TACC2: variants seen among roughly 807,000 people sequenced by gnomAD.
The protein encoded by TACC2 is transforming acidic coiled-coil-containing protein 2.
In TACC2, 137 loss-of-function variants were observed where a neutral mutation model predicts 227.3. The ratio of observed to expected loss-of-function variants is 0.60; its 90% CI spans 0.52 to 0.69. The LOEUF (loss-of-function observed/expected upper bound fraction) is 0.69. TACC2 is among the 30% of genes least tolerant of loss of function. The pLI is 0.00. For synonymous variants in TACC2, 1,523 were observed against 1,487.5 expected (o/e 1.02, Z -0.55); for missense variants, 3,470 against 3,694.4 (o/e 0.94, Z 1.57).
chr10:122,086,453 C>A lies in TACC2; in HGVS notation c.3953C>A (p.Thr1318Asn), dbSNP rs990151098. 6.2e-6 allele frequency: 10 copies of A among 1,613,908 alleles called. No homozygotes were observed. Among genetic ancestry groups the A allele is most frequent in the Non-Finnish European group, 8.5e-6 (10 of 1,180,040 alleles). The change falls in exon 4 of 23, where the codon ACC becomes AAC. Residue 1318 changes from threonine to asparagine, a missense_variant. Coordinates refer to ENST00000369005, the MANE Select transcript of TACC2 (RefSeq NM_206862.4). ...QASSGSPKARTTEGPVDSMPC... is the reference protein window; with the variant it reads ...QASSGSPKARNTEGPVDSMPC... ...AGCAGTGGTAGTCCCAAAGCCAGAA[C>A]CACTGAGGGACCAGTGGACTCCATG...
At chr10:122,112,450 T>G (rs2083772120) in intron 5 of TACC2, among the ~76,000 whole-genome samples, 1 of 152,108 alleles carries the variant, frequency 6.6e-6, no homozygotes, top group African/African-American at 2.4e-5. Context: ...CACGTCAAGT[T>G]TTGCAAACTG....
intron 7 of TACC2, among the ~76,000 whole-genome samples, chr10:122,171,727 C>T (rs2093481051): frequency 6.6e-6 from 1 of 152,194 alleles, no homozygotes; most frequent in Admixed American, 6.5e-5. Context: ...ATTTGGTAAA[C>T]TCAAATCAGA....
At chr10:122,036,765 A>G (rs1960552035) in intron 2 of TACC2, among the ~76,000 whole-genome samples, 1 of 152,156 alleles carries the variant, frequency 6.6e-6, no homozygotes, top group Non-Finnish European at 1.5e-5. Flanking sequence ...TAAGTATCTG[A>G]GCCTCTGCTT....
chr10:122,230,490 C>T (rs372369143), intron 16 of TACC2, 50 bp downstream of exon 16: 14 of 1,536,840 alleles, frequency 9.1e-6, no homozygotes, highest in East Asian at 2.2e-5. Flanking sequence ...TCATGTGTGC[C>T]GCTGGGGTCC....
chr10:122,155,939 A>G (rs576715502), intron 7 of TACC2, among the ~76,000 whole-genome samples: 132 of 145,444 alleles, frequency 9.1e-4, no homozygotes, highest in Admixed American at 1.8e-3. Context: ...CCGGGCTCAC[A>G]CCATTCTCCT....
rs550069454 is a variant in TACC2, at chr10:122,056,679, G to C, written c.146+6129G>C. 1.4e-4 allele frequency among the ~76,000 whole-genome samples: 21 copies of C among 152,286 alleles called. No homozygotes were observed. In the South Asian group the frequency reaches 3.5e-3, roughly 26 times the overall value. The stretch of plus-strand genomic sequence containing the variant: ...GGAGGGAGCTTGAGTGAAAGGGGCA[G>C]ACTCTAGAGGCCATTCCAGGCAGGG... On this transcript the variant is annotated intron_variant, in intron 3 of 22. Transcript: ENST00000369005.
chr10:122,164,623 TGGCCTTTATCCTGGCCG>T (rs745478088), intron 7 of TACC2, among the ~76,000 whole-genome samples: 2 of 152,234 alleles, frequency 1.3e-5, no homozygotes, highest in Non-Finnish European at 2.9e-5. Flanking sequence ...TGCTCAGAAG[TGGCCTTTATCCTGGCCG>T]AGTGTTTATT....
intron 7 of TACC2, chr10:122,164,087 C>A: frequency 6.9e-7 from 1 of 1,445,784 alleles, no homozygotes; most frequent in Non-Finnish European, 9.5e-7. Context: ...CCTGTGCAAC[C>A]TGGAGCCCAG....
chr10:122,078,200 A>G (rs2079045607), intron 3 of TACC2, among the ~76,000 whole-genome samples: 5 of 117,412 alleles, frequency 4.3e-5, no homozygotes, highest in African/African-American at 1.4e-4. Flanking sequence ...ATCTCCAAAA[A>G]AAAAAAAAAA....
chr10:122,035,619 A>G lies in TACC2; in HGVS notation c.33+13605A>G, dbSNP rs141011044. On this transcript the variant is annotated intron_variant, in intron 2 of 22. Transcript: ENST00000369005. ...ATTATTGCAGTAAAATATATATAAC[A>G]TAAGATTTACCATTGTAACTATTTT... 2.8e-3 allele frequency among the ~76,000 whole-genome samples: 422 copies of G among 152,278 alleles called. 4 individuals are homozygous for G. Among genetic ancestry groups the G allele is most frequent in the African/African-American group, 9.3e-3 (385 of 41,550 alleles).
chr10:122,074,951 T>C (rs2078601547), intron 3 of TACC2, among the ~76,000 whole-genome samples: 1 of 152,080 alleles, frequency 6.6e-6, no homozygotes, highest in African/African-American at 2.4e-5. Context: ...ATGGGCCAAT[T>C]CAGATCTTGA....
chr10:122,151,169 C>T (rs2092002158), intron 7 of TACC2, among the ~76,000 whole-genome samples: 1 of 152,178 alleles, frequency 6.6e-6, no homozygotes, highest in Non-Finnish European at 1.5e-5. Flanking sequence ...ACAGAGACAG[C>T]TGTTCTGGAA....
intron 3 of TACC2, among the ~76,000 whole-genome samples, chr10:122,074,285 T>A (rs1415540060): frequency 6.6e-6 from 1 of 151,932 alleles, no homozygotes; most frequent in East Asian, 1.9e-4. Context: ...TTTACCATGT[T>A]AACCAGGCTG....
intron 3 of TACC2, among the ~76,000 whole-genome samples, chr10:122,064,921 C>G (rs1352435913): frequency 6.6e-6 from 1 of 152,140 alleles, no homozygotes; most frequent in Non-Finnish European, 1.5e-5. Flanking sequence ...CCAGATTGTT[C>G]TCTCTTGTTC....
intron 3 of TACC2, among the ~76,000 whole-genome samples, chr10:122,066,692 C>T (rs114212764): frequency 0.014 from 2,131 of 152,288 alleles, 56 homozygotes; most frequent in African/African-American, 0.049. Context: ...CAAAAGCCAC[C>T]GTGCCTGGCC....
intron 7 of TACC2, among the ~76,000 whole-genome samples, chr10:122,156,543 A>T (rs1470308449): frequency 2.0e-5 from 3 of 152,124 alleles, no homozygotes; most frequent in Non-Finnish European, 4.4e-5. Flanking sequence ...ACTCTTTCAT[A>T]AACAGTTCTG....
chr10:122,124,622 G>A (rs945859696), intron 5 of TACC2, among the ~76,000 whole-genome samples: 3 of 152,214 alleles, frequency 2.0e-5, no homozygotes, highest in Middle Eastern at 3.2e-3. Context: ...ATATCACGCT[G>A]TGTCCTCCAG....
chr10:122,248,836 G>A (rs1447413516), intron 20 of TACC2, 33 bp downstream of exon 20: 1 of 1,613,252 alleles, frequency 6.2e-7, no homozygotes. Context: ...CGGAGGAGGA[G>A]GATCTGATTG....
chr10:122,186,078 A>C (rs1380226731), intron 7 of TACC2, among the ~76,000 whole-genome samples: 1 of 151,494 alleles, frequency 6.6e-6, no homozygotes, highest in Admixed American at 6.6e-5. Context: ...ACAGGTGCCC[A>C]CCAGTACGCC....
Sources: gnomAD v4.1 joint callset for allele counts (sites outside exome capture counted in the v4.1 genomes callset) on GRCh38, gnomAD v4.1.1 for gene constraint, MANE v1.5 for transcripts, NCBI Gene and HGNC (gene_info 2026-07-23, HGNC 2026-07-21) for gene names.